The following SUCLG2 variants were observed in gnomAD, a reference collection of about 807,000 sequenced individuals.
The protein encoded by SUCLG2 is succinate-CoA ligase GDP-forming subunit beta.
A neutral mutation model predicts 47.9 loss-of-function variants in SUCLG2; 42 were observed. That is an observed-to-expected ratio of 0.88 (90% CI 0.69 to 1.14). The LOEUF (loss-of-function observed/expected upper bound fraction) is 1.14, where lower values mean the gene tolerates loss of function less well. SUCLG2 is among the 50% of genes most tolerant of loss of function. SUCLG2 has a pLI of 0.00. For missense variants in SUCLG2, 571 were observed against 525.9 expected (o/e 1.09, Z -0.84); for synonymous variants, 195 against 197.3 (o/e 0.99, Z 0.10).
chr3:67,480,265 T>G (rs1704878697), intron 9 of SUCLG2, among the ~76,000 whole-genome samples: 1 of 152,160 alleles, frequency 6.6e-6, no homozygotes, highest in East Asian at 1.9e-4. Flanking sequence ...GATGCTAAAG[T>G]AACTCACAGA....
chr3:67,415,522 C>A (rs1320697915), intron 9 of SUCLG2, among the ~76,000 whole-genome samples: 1 of 152,174 alleles, frequency 6.6e-6, no homozygotes, highest in Non-Finnish European at 1.5e-5. Flanking sequence ...TTAGGTAACT[C>A]CTCTAAGCCA....
intron 1 of SUCLG2, among the ~76,000 whole-genome samples, chr3:67,625,002 C>T (rs745974019): frequency 6.6e-6 from 1 of 152,210 alleles, no homozygotes; most frequent in Non-Finnish European, 1.5e-5. Flanking sequence ...ATATCCTAAA[C>T]ATACTATACC....
rs562538371 is a variant in SUCLG2 at position 67,564,910 on chromosome 3, A to G, written c.227-35724T>C. On this transcript the variant is annotated intron_variant, in intron 2 of 10. Transcript: ENST00000307227. ...TCGTGCTATTTATAATCTTAGAACA[A>G]TATTTTTCCTTTCTGGTGAAAATAA... is the stretch of plus-strand genomic sequence containing the variant. 5.9e-5 allele frequency among the ~76,000 whole-genome samples: 9 copies of G among 152,214 alleles called. No individual in the cohort carries two copies. In the East Asian group the frequency reaches 1.7e-3, roughly 29 times the overall value.
At chr3:67,409,926 C>CAG (rs1215791638) in intron 9 of SUCLG2, among the ~76,000 whole-genome samples, 1 of 152,130 alleles carries the variant, frequency 6.6e-6, no homozygotes, top group African/African-American at 2.4e-5. Context: ...GATCTGTTTC[C>CAG]TTAAATCAAA....
intron 10 of SUCLG2, among the ~76,000 whole-genome samples, chr3:67,388,537 A>G (rs980624305): frequency 1.3e-5 from 2 of 152,236 alleles, no homozygotes; most frequent in Non-Finnish European, 2.9e-5. Context: ...ACCATGCCTA[A>G]TAAAGGGAAG....
chr3:67,440,826 C>A (rs1210201435), intron 9 of SUCLG2, among the ~76,000 whole-genome samples: 1 of 152,178 alleles, frequency 6.6e-6, no homozygotes, highest in African/African-American at 2.4e-5. Context: ...GTGGTAATTC[C>A]TCAAGGATCT....
chr3:67,492,960 C>T (rs1020481968), intron 9 of SUCLG2, among the ~76,000 whole-genome samples: 1 of 152,200 alleles, frequency 6.6e-6, no homozygotes, highest in Non-Finnish European at 1.5e-5. Context: ...CTTAGACACA[C>T]TGCAAATAAG....
chr3:67,444,108 TG>T (rs1438093732), intron 9 of SUCLG2, among the ~76,000 whole-genome samples: 14 of 63,964 alleles, frequency 2.2e-4, no homozygotes, highest in Admixed American at 5.7e-4. Flanking sequence ...GGGAGGGAGG[TG>T]GGGGGGTCAG....
chr3:67,380,828 T>C (rs1339635142), intron 10 of SUCLG2, among the ~76,000 whole-genome samples: 5 of 151,602 alleles, frequency 3.3e-5, no homozygotes, highest in African/African-American at 1.2e-4. Flanking sequence ...AAAAAATGAG[T>C]TTGCCAAGTG....
chr3:67,375,936 G>A, intron 10 of SUCLG2, 77 bp from the exon 11 acceptor site: 1 of 1,549,116 alleles, frequency 6.5e-7, no homozygotes, highest in East Asian at 2.4e-5. Context: ...GGACACACAA[G>A]ACTCACCTGT....
chr3:67,614,897 T>A (rs1305220206), intron 1 of SUCLG2, among the ~76,000 whole-genome samples: 1 of 152,296 alleles, frequency 6.6e-6, no homozygotes, highest in Admixed American at 6.5e-5. Context: ...ACATGGATTT[T>A]GGCAAAGTGA....
intron 1 of SUCLG2, among the ~76,000 whole-genome samples, chr3:67,615,621 A>AACACACACACAC (rs60992383): frequency 0.024 from 3,347 of 142,118 alleles, 72 homozygotes; most frequent in East Asian, 0.056. Flanking sequence ...CACAAACACA[A>AACACACACACAC]ACACACACAC....
chr3:67,489,975 A>G (rs984035923), intron 9 of SUCLG2, among the ~76,000 whole-genome samples: 29 of 152,226 alleles, frequency 1.9e-4, no homozygotes, highest in Non-Finnish European at 2.8e-4. Context: ...CCAGGAGGAT[A>G]GACCAAATAA....
intron 9 of SUCLG2, among the ~76,000 whole-genome samples, chr3:67,401,732 G>A (rs949769226): frequency 6.6e-6 from 1 of 152,036 alleles, no homozygotes; most frequent in African/African-American, 2.4e-5. Flanking sequence ...TGAAGCTGGA[G>A]GCATCAAAAT....
chr3:67,361,880 G>A (rs1366289451), intron 10 of SUCLG2, among the ~76,000 whole-genome samples: 1 of 152,156 alleles, frequency 6.6e-6, no homozygotes, highest in East Asian at 1.9e-4. Context: ...GCTCCTCTGG[G>A]ATGGTGAGGG....
intron 9 of SUCLG2, among the ~76,000 whole-genome samples, chr3:67,429,384 T>C (rs966636385): frequency 1.3e-5 from 2 of 152,154 alleles, no homozygotes; most frequent in Non-Finnish European, 2.9e-5. Context: ...TAAAATCCTT[T>C]ACGGGCAAGC....
At chr3:67,648,344 A>G (rs990677111) in intron 1 of SUCLG2, among the ~76,000 whole-genome samples, 17 of 152,232 alleles carry the variant, frequency 1.1e-4, no homozygotes, top group Non-Finnish European at 1.9e-4. Flanking sequence ...AACCATGCCA[A>G]GTTGATCAGC....
At chr3:67,381,136 C>T (rs1369620368) in intron 10 of SUCLG2, among the ~76,000 whole-genome samples, 1 of 152,014 alleles carries the variant, frequency 6.6e-6, no homozygotes, top group Non-Finnish European at 1.5e-5. Flanking sequence ...GTGATTGCAC[C>T]ACTGCACTCC....
intron 2 of SUCLG2, among the ~76,000 whole-genome samples, chr3:67,595,465 G>T (rs1314140230): frequency 1.3e-5 from 2 of 152,170 alleles, no homozygotes; most frequent in South Asian, 4.1e-4. Flanking sequence ...CAGGGTGGGA[G>T]TCTGCCCAGT....
Sources: gnomAD v4.1 joint callset for allele counts (sites outside exome capture counted in the v4.1 genomes callset) on GRCh38, gnomAD v4.1.1 for gene constraint, MANE v1.5 for transcripts, NCBI Gene and HGNC (gene_info 2026-07-23, HGNC 2026-07-21) for gene names.